The following DYNC2H1 variants were observed in gnomAD, a reference collection of about 807,000 sequenced individuals.
DYNC2H1 encodes dynein cytoplasmic 2 heavy chain 1.
A neutral mutation model predicts 570.0 loss-of-function variants in DYNC2H1; 410 were observed. That is an observed-to-expected ratio of 0.72 (90% CI 0.66 to 0.78). The LOEUF (loss-of-function observed/expected upper bound fraction) is 0.78, where lower values mean the gene tolerates loss of function less well. Among genes scored for constraint, DYNC2H1 ranks in the 30% least tolerant of loss-of-function variants. The pLI is 0.00. For synonymous variants in DYNC2H1, 1,688 were observed against 1,677.6 expected, an observed-to-expected ratio of 1.01 and a Z score of -0.15; for missense variants, 4,865 against 5,046.4, an observed-to-expected ratio of 0.96 and a Z score of 1.09.
At chr11:103,456,733 A>T (rs1944802579) in intron 87 of DYNC2H1, among the ~76,000 whole-genome samples, 1 of 152,140 alleles carries the variant, frequency 6.6e-6, no homozygotes, top group Admixed American at 6.5e-5. Context: ...AACACCCCCA[A>T]ATCTGAACCT....
At chr11:103,382,298 C>G (rs963230966) in intron 83 of DYNC2H1, among the ~76,000 whole-genome samples, 1 of 152,080 alleles carries the variant, frequency 6.6e-6, no homozygotes, top group Non-Finnish European at 1.5e-5. Context: ...AGGTGATAGA[C>G]TTTTTTTCTG....
intron 75 of DYNC2H1, among the ~76,000 whole-genome samples, chr11:103,301,805 A>G (rs1299030472): frequency 6.6e-6 from 1 of 151,894 alleles, no homozygotes; most frequent in Non-Finnish European, 1.5e-5. Flanking sequence ...TATATTTTAA[A>G]GTGTTTATTA....
Position 103,135,894 on chromosome 11 carries a change from C to G in DYNC2H1, c.2520C>G (p.Phe840Leu), listed in dbSNP as rs760262313. The G allele has an allele frequency of 6.2e-7, 1 of 1,612,920 alleles. No homozygotes were observed. Among genetic ancestry groups the G allele is most frequent in the South Asian group, 1.1e-5 (1 of 90,882 alleles). The change falls in exon 17 of 89, where the codon TTC (phenylalanine) becomes TTG (leucine). Residue 840 changes from phenylalanine to leucine, a missense_variant. Physicochemically the swap from Phe to Leu is conservative, Grantham distance 22. Coordinates refer to ENST00000375735, the MANE Select transcript of DYNC2H1 (RefSeq NM_001377.3). ...DRNASGFLTI[F>L]SKAEDLFRRL... Reference sequence around the variant, plus strand: ...ATGCAAGTGGATTTTTGACGATTTTCAGCAAAGCAGAAGATCTGTTTAGAA... The same window carrying G: ...ATGCAAGTGGATTTTTGACGATTTTGAGCAAAGCAGAAGATCTGTTTAGAA...
Position 103,199,449 on chromosome 11 carries a change from G to A in DYNC2H1, c.8061G>A (p.Leu2687=), listed in dbSNP as rs1027756921. The A allele has an allele frequency of 2.5e-6, 4 of 1,591,786 alleles. No individual in the cohort carries two copies. Among genetic ancestry groups the A allele is most frequent in the Non-Finnish European group, 2.6e-6 (3 of 1,168,066 alleles). Reference sequence around the variant, plus strand: ...CAAAGATTTCCAGAGGATATGAACTGAAGCAGTTCAAAAATGATCTCAAAC... The same window carrying A: ...CAAAGATTTCCAGAGGATATGAACTAAAGCAGTTCAAAAATGATCTCAAAC... ...FSPKISRGYE[L]KQFKNDLKHV... is the part of the protein sequence containing the mutation. Residue 2687 remains leucine (L), a synonymous_variant, in exon 49 of 89, where the codon CTG becomes CTA. Coordinates refer to ENST00000375735, the MANE Select transcript of DYNC2H1 (RefSeq NM_001377.3). The surrounding 1 kb of genome is among the most constrained non-coding windows in gnomAD (Gnocchi z 4.6).
In DYNC2H1 at chr11:103,243,620, T is replaced by G; in HGVS notation, c.9820-73T>G. 1 of 1,143,490 alleles carries G rather than the reference T, an allele frequency of 8.7e-7. No individual in the cohort carries two copies. Among genetic ancestry groups the G allele is most frequent in the Non-Finnish European group, 1.2e-6 (1 of 806,232 alleles). The allele number at this position is 1,143,490 out of a possible 1,614,324, so 70.8% of individuals were successfully genotyped here. On this transcript the variant is annotated intron_variant, in intron 63 of 88. Coordinates refer to ENST00000375735, the MANE Select transcript of DYNC2H1 (RefSeq NM_001377.3). The surrounding 1 kb of genome is among the most constrained non-coding windows in gnomAD (Gnocchi z 4.8). ...CATTTAGTAATTGATTTATAATTTC[T>G]AGAAAACTATTTCCATTTAAATGAA...
chr11:103,424,794 A>G (rs1242265228), intron 84 of DYNC2H1, among the ~76,000 whole-genome samples: 3 of 152,028 alleles, frequency 2.0e-5, no homozygotes, highest in African/African-American at 7.3e-5. Context: ...ACTGATTTCA[A>G]GTTACCAATA....
chr11:103,165,763 G>C (rs1861280237), intron 30 of DYNC2H1, 135 bp from the exon 31 acceptor site: 1 of 630,214 alleles, frequency 1.6e-6, no homozygotes, highest in Non-Finnish European at 2.5e-6. Context: ...TAATATTTAA[G>C]GTTCCAGTAT....
At chr11:103,409,971 A>G (rs1591705779) in intron 84 of DYNC2H1, among the ~76,000 whole-genome samples, 1 of 150,586 alleles carries the variant, frequency 6.6e-6, no homozygotes, top group African/African-American at 2.5e-5. Context: ...ATACCTTTAT[A>G]TAAGATAAAT....
chr11:103,316,425 T>C (rs1037534566), intron 79 of DYNC2H1, 120 bp from the exon 80 acceptor site: 1 of 620,670 alleles, frequency 1.6e-6, no homozygotes, highest in Non-Finnish European at 2.6e-6. Flanking sequence ...TTATTAAAAA[T>C]TCTCAGGAGT....
chr11:103,264,875 G>C lies in DYNC2H1; in HGVS notation c.10695+4898G>C, dbSNP rs1424904391. ...TACTGGAAGTTCTGGCCAGGGCAAA[G>C]TGGCAAGAGAAAGAAATAAAGGGTA... is the stretch of plus-strand genomic sequence containing the variant. On this transcript the variant is annotated intron_variant, in intron 70 of 88. Coordinates refer to ENST00000375735, the MANE Select transcript of DYNC2H1 (RefSeq NM_001377.3). The surrounding 1 kb of genome is among the most constrained non-coding windows in gnomAD (Gnocchi z 4.8). Among the ~76,000 whole-genome samples, 1 of 152,134 alleles carries C rather than the reference G, an allele frequency of 6.6e-6. No individual in the cohort carries two copies. Among genetic ancestry groups the C allele is most frequent in the Non-Finnish European group, 1.5e-5 (1 of 68,010 alleles).
intron 84 of DYNC2H1, among the ~76,000 whole-genome samples, chr11:103,418,416 T>C (rs1943363707): frequency 6.6e-6 from 1 of 152,218 alleles, no homozygotes; most frequent in Non-Finnish European, 1.5e-5. Flanking sequence ...AAATATTATG[T>C]GCATTACCTT....
chr11:103,458,599 C>G lies in DYNC2H1; in HGVS notation c.12648+2243C>G, dbSNP rs79924476. ...TATAATTTGTGAGTACATTAGTTAA[C>G]AGTTTAAAAAAAAAGCCACTTATGA... On this transcript the variant is annotated intron_variant, in intron 87 of 88. Coordinates refer to ENST00000375735, the MANE Select transcript of DYNC2H1 (RefSeq NM_001377.3). Among the ~76,000 whole-genome samples the G allele has an allele frequency of 8.1e-3, 1,233 of 151,936 alleles. 24 individuals are homozygous for G. Among genetic ancestry groups the G allele is most frequent in the African/African-American group, 0.028 (1,175 of 41,410 alleles).
At chr11:103,200,436 C>A (rs1224861827) in intron 50 of DYNC2H1, among the ~76,000 whole-genome samples, 1 of 152,040 alleles carries the variant, frequency 6.6e-6, no homozygotes, top group African/African-American at 2.4e-5. Context: ...TCTGTTATAA[C>A]CTTTGGGAAA....
rs1304330744 is a variant in DYNC2H1, at chr11:103,303,188, G to A, written c.11191G>A (p.Ala3731Thr). Residue 3731 changes from alanine (A) to threonine (T), a missense_variant, in exon 76 of 89, where the codon GCT (alanine) becomes ACT (threonine). Transcript: ENST00000375735. The stretch of plus-strand genomic sequence containing the variant: ...CATCTTGATAATTATTTCTCCGGGT[G>A]CTGATCCTTCTCAGGAACTTCAAGA... ...EPILIIISPGADPSQELQELA... is the reference protein window; with the variant it reads ...EPILIIISPGTDPSQELQELA... 1 of 1,612,796 alleles carries A rather than the reference G, an allele frequency of 6.2e-7. No individual in the cohort carries two copies. The highest frequency in any genetic ancestry group is 1.1e-5 in the South Asian group (1 of 90,968).
At chr11:103,187,255 A>G (rs1862107995) in intron 42 of DYNC2H1, 85 bp from the exon 43 acceptor site, 5 of 1,532,080 alleles carry the variant, frequency 3.3e-6, no homozygotes, top group Non-Finnish European at 4.4e-6. Context: ...TGAAATATTT[A>G]TGAGATAGAA....
At chr11:103,345,918 T>C (rs1367863611) in intron 82 of DYNC2H1, among the ~76,000 whole-genome samples, 1 of 152,160 alleles carries the variant, frequency 6.6e-6, no homozygotes, top group African/African-American at 2.4e-5. Flanking sequence ...TTAGCTTTAG[T>C]TCTGTAAAAG....
chr11:103,209,260 A>T lies in DYNC2H1; in HGVS notation c.8455-616A>T, dbSNP rs1591412047. ...TTAAAATTTCAAAATTGTTACTTTAATTTTTTTTCAGGACACTAAACTTTC... is the reference window on the plus strand; with the variant it reads ...TTAAAATTTCAAAATTGTTACTTTATTTTTTTTTCAGGACACTAAACTTTC... On this transcript the variant is annotated intron_variant, in intron 52 of 88. Transcript: ENST00000375735. This position sits in a 1 kb window ranked among gnomAD's most constrained non-coding sequence, Gnocchi z 4.2. Among the ~76,000 whole-genome samples, 1 of 151,862 alleles carries T rather than the reference A, an allele frequency of 6.6e-6. No individual in the cohort carries two copies. Among genetic ancestry groups the T allele is most frequent in the East Asian group, 1.9e-4 (1 of 5,176 alleles).
chr11:103,431,599 A>C (rs1943897080), intron 84 of DYNC2H1, among the ~76,000 whole-genome samples: 1 of 152,192 alleles, frequency 6.6e-6, no homozygotes, highest in African/African-American at 2.4e-5. Context: ...GCTCAAAGAC[A>C]TCTTTATTAA....
chr11:103,337,281 T>C (rs1939187469), intron 82 of DYNC2H1, among the ~76,000 whole-genome samples: 1 of 152,162 alleles, frequency 6.6e-6, no homozygotes, highest in Non-Finnish European at 1.5e-5. Context: ...TGGGTAAATC[T>C]CTGTTCGAGG....
Sources: gnomAD v4.1 joint callset for allele counts (sites outside exome capture counted in the v4.1 genomes callset) on GRCh38, gnomAD v4.1.1 for gene constraint, Gnocchi (gnomAD v3.1) non-coding constraint, MANE v1.5 for transcripts, NCBI Gene and HGNC (gene_info 2026-07-23, HGNC 2026-07-21) for gene names.